The following LINGO1 variants were observed in gnomAD, a reference collection of about 807,000 sequenced individuals.
LINGO1 encodes the protein leucine rich repeat and Ig domain containing 1, also known as leucine-rich repeat and immunoglobulin-like domain-containing nogo receptor-interacting protein 1.
LINGO1 carries 11 observed loss-of-function variants against 37.3 expected under a neutral mutation model. The observed-to-expected ratio is 0.29, with a 90% CI of 0.19 to 0.49. The LOEUF is 0.49. Ranked by LOEUF, LINGO1 falls within the 20% of genes least tolerant of loss-of-function variation. The probability of loss-of-function intolerance (pLI) is 0.99; values close to 1 mark genes in which losing one functional copy is unlikely to be tolerated. For synonymous variants in LINGO1, 387 were observed against 403.0 expected (o/e 0.96, Z 0.48); for missense variants, 585 against 878.2 (o/e 0.67, Z 4.22).
intron 2 of LINGO1, among the ~76,000 whole-genome samples, chr15:77,714,669 G>C (rs1251395596): frequency 1.3e-5 from 2 of 152,210 alleles, no homozygotes; most frequent in Non-Finnish European, 2.9e-5. Flanking sequence ...AGCGTGGCAG[G>C]CACTCAGTAA....
chr15:77,632,383 G>T lies in LINGO1; in HGVS notation c.-68C>A. 2 of 1,331,972 alleles carry T rather than the reference G, an allele frequency of 1.5e-6. No individual in the cohort carries two copies. Among genetic ancestry groups the T allele is most frequent in the Non-Finnish European group, 9.6e-7 (1 of 1,036,750 alleles). 82.5% of individuals were successfully genotyped at this position (1,331,972 alleles called of 1,614,324 possible). On this transcript the variant is annotated 5_prime_UTR_variant, in exon 1 of 2. Coordinates refer to ENST00000355300, the MANE Select transcript of LINGO1 (RefSeq NM_032808.7). The surrounding 1 kb of genome is among the most constrained non-coding windows in gnomAD (Gnocchi z 6.0). ...ATGTCTCTCCAGCCGGCCCGACCAGGCCCCAGCCCCTGCCCAGCCCCCTCC... is the reference window on the plus strand; with the variant it reads ...ATGTCTCTCCAGCCGGCCCGACCAGTCCCCAGCCCCTGCCCAGCCCCCTCC...
intron 1 of LINGO1, among the ~76,000 whole-genome samples, chr15:77,750,142 C>A (rs368896432): frequency 6.6e-6 from 1 of 152,136 alleles, no homozygotes; most frequent in South Asian, 2.1e-4. Context: ...CGATGCCCCC[C>A]GAGACAGCCT....
intron 3 of LINGO1, among the ~76,000 whole-genome samples, chr15:77,640,530 C>T (rs1156385165): frequency 2.6e-5 from 4 of 152,162 alleles, no homozygotes; most frequent in Non-Finnish European, 5.9e-5. Flanking sequence ...CCTCATTTAG[C>T]AGTTAGGAAA....
intron 2 of LINGO1, among the ~76,000 whole-genome samples, chr15:77,715,077 G>A (rs1450798378): frequency 6.6e-6 from 1 of 152,212 alleles, no homozygotes; most frequent in Non-Finnish European, 1.5e-5. Flanking sequence ...GAGCTCTTGG[G>A]TCTGAGCCCA....
At chr15:77,713,855 G>A (rs2075951532) in intron 2 of LINGO1, among the ~76,000 whole-genome samples, 1 of 152,054 alleles carries the variant, frequency 6.6e-6, no homozygotes, top group African/African-American at 2.4e-5. Flanking sequence ...CCCCCTAGGT[G>A]TGCCTTCTCA....
At chr15:77,795,443 TG>T (rs1348954999) in intron 2 of LINGO1, among the ~76,000 whole-genome samples, 1 of 152,160 alleles carries the variant, frequency 6.6e-6, no homozygotes, top group Non-Finnish European at 1.5e-5. Flanking sequence ...CAAACACACC[TG>T]GGGTCTGAGC....
upstream of LINGO1, among the ~76,000 whole-genome samples, chr15:77,638,388 AATTAG>A (rs1237363802): frequency 1.3e-5 from 2 of 152,308 alleles, no homozygotes; most frequent in South Asian, 2.1e-4. Flanking sequence ...CTTTAAAAAA[AATTAG>A]ATTAGGAGCA....
intron 2 of LINGO1, among the ~76,000 whole-genome samples, chr15:77,715,171 G>C (rs961655036): frequency 1.3e-5 from 2 of 152,156 alleles, no homozygotes; most frequent in Non-Finnish European, 2.9e-5. Context: ...CTGGCATGCT[G>C]CACGTACCCC....
chr15:77,737,681 C>T (rs7176668), intron 1 of LINGO1, among the ~76,000 whole-genome samples: 77,339 of 151,930 alleles, frequency 0.51, 19,834 homozygotes, highest in Admixed American at 0.61. Context: ...CCAATAGTCA[C>T]TCTCTGTCCC....
In LINGO1 at chr15:77,747,825, C is replaced by A. The variant is rs185059089; in HGVS notation, c.-256-12772G>T. ...ATTAAAGTCTCTTATTAAAGTGAAA[C>A]TATCCCAGAGAGAATCATACCCTCA... On this transcript the variant is annotated intron_variant, in intron 1 of 3. Transcript: ENST00000561686. 2.0e-5 allele frequency among the ~76,000 whole-genome samples: 3 copies of A among 152,126 alleles called. No homozygotes were observed. In the East Asian group the frequency reaches 5.8e-4, roughly 29 times the overall value.
chr15:77,756,045 GTGGCAGGGTGT>G (rs57640831), intron 1 of LINGO1, among the ~76,000 whole-genome samples: 4,950 of 152,242 alleles, frequency 0.033, 260 homozygotes, highest in African/African-American at 0.11. Flanking sequence ...AAGTAGGGGG[GTGGCAGGGTGT>G]TGAGGCCAGG....
chr15:77,692,350 A>T (rs2075618680), intron 1 of LINGO1, among the ~76,000 whole-genome samples: 1 of 152,218 alleles, frequency 6.6e-6, no homozygotes, highest in Non-Finnish European at 1.5e-5. Flanking sequence ...TAGTACTGTC[A>T]TCACAGGAAG....
chr15:77,732,679 G>T (rs2076164658), intron 2 of LINGO1, among the ~76,000 whole-genome samples: 1 of 152,218 alleles, frequency 6.6e-6, no homozygotes, highest in Non-Finnish European at 1.5e-5. Flanking sequence ...GCCAAGGCTG[G>T]CCACAGCCCA....
intron 3 of LINGO1, among the ~76,000 whole-genome samples, chr15:77,669,516 C>T (rs542156809): frequency 6.6e-6 from 1 of 152,276 alleles, no homozygotes; most frequent in South Asian, 2.1e-4. Flanking sequence ...CTGGCTGGGC[C>T]CTGGAGACCC....
rs553531890 is a variant in LINGO1 at position 77,763,863 on chromosome 15, A to G, written c.-257+23006T>C. 1.1e-4 allele frequency among the ~76,000 whole-genome samples: 17 copies of G among 152,154 alleles called. No individual in the cohort carries two copies. The South Asian group carries it at 2.9e-3, about 26-fold the overall frequency. The stretch of plus-strand genomic sequence containing the variant: ...AACACCCCATTGCCAGCAAAAACAC[A>G]GGGCTTCTGCCATGGGAAAAGGTGG... On this transcript the variant is annotated intron_variant, in intron 1 of 3. Transcript: ENST00000561686.
chr15:77,698,767 G>T (rs536356161), upstream of LINGO1, among the ~76,000 whole-genome samples: 1 of 152,216 alleles, frequency 6.6e-6, no homozygotes, highest in Non-Finnish European at 1.5e-5. Context: ...AGGCCCAGCG[G>T]ACTGTGGGCA....
chr15:77,809,199 C>A (rs2076983668), intron 1 of LINGO1, among the ~76,000 whole-genome samples: 1 of 152,238 alleles, frequency 6.6e-6, no homozygotes, highest in Non-Finnish European at 1.5e-5. Flanking sequence ...GAGGAGCATG[C>A]CTCCCCTCCA....
chr15:77,688,583 G>A (rs542853957), intron 2 of LINGO1, among the ~76,000 whole-genome samples: 3 of 152,308 alleles, frequency 2.0e-5, no homozygotes, highest in African/African-American at 7.2e-5. Flanking sequence ...GGGCCTGGGG[G>A]AGACCCTCCC....
intron 2 of LINGO1, among the ~76,000 whole-genome samples, chr15:77,793,761 T>C (rs1271060353): frequency 6.6e-6 from 1 of 152,170 alleles, no homozygotes; most frequent in African/African-American, 2.4e-5. Flanking sequence ...TGGTATGGGA[T>C]TAAGTGTAAA....
Sources: allele counts gnomAD v4.1 joint callset (sites outside exome capture counted in the v4.1 genomes callset), GRCh38; gene constraint gnomAD v4.1.1; non-coding constraint Gnocchi (gnomAD v3.1); transcripts MANE v1.5; gene names NCBI Gene and HGNC (gene_info 2026-07-23, HGNC 2026-07-21).